Variants in NTRK1 observed in about 807,000 individuals in gnomAD.
NTRK1 encodes high affinity nerve growth factor receptor.
NTRK1 carries 62 observed loss-of-function variants against 86.8 expected under a neutral mutation model. That is an observed-to-expected ratio of 0.71 (90% confidence interval 0.58 to 0.88). The LOEUF (loss-of-function observed/expected upper bound fraction) is 0.88. Among genes scored for constraint, NTRK1 ranks in the 40% least tolerant of loss-of-function variants. NTRK1 has a pLI of 0.00. For missense variants in NTRK1, 967 were observed against 1,078.4 expected (o/e 0.90, Z 1.45); for synonymous variants, 469 against 456.6 (o/e 1.03, Z -0.35).
At chr1:156,827,950 A>G (rs1571643520) in intron 1 of NTRK1, among the ~76,000 whole-genome samples, 3 of 152,180 alleles carry the variant, frequency 2.0e-5, no homozygotes, top group Non-Finnish European at 4.4e-5. Flanking sequence ...AACTTATTTC[A>G]CAAAATGTTA....
At chr1:156,876,722 G>A (rs1571700238) in intron 14 of NTRK1, 150 bp downstream of exon 14, 1 of 940,936 alleles carries the variant, frequency 1.1e-6, no homozygotes, top group Non-Finnish European at 1.6e-6. Flanking sequence ...GGAGCTCTGA[G>A]ATGGTAGAGG....
rs73004745 is a variant in NTRK1 at position 156,863,889 on chromosome 1, A to G, written c.213-465A>G. ...CCAGGGATGCCTGATATAAAAGGAG[A>G]ACACCAATCTGAGAATGGACTTGTG... On this transcript the variant is annotated intron_variant, in intron 1 of 16. Transcript: ENST00000524377. Among the ~76,000 whole-genome samples, 1,013 of 152,162 alleles carry G rather than the reference A, an allele frequency of 6.7e-3. 14 individuals carry two copies. The highest frequency in any genetic ancestry group is 0.023 in the African/African-American group (961 of 41,494).
At chr1:156,852,322 C>T in intron 2 of NTRK1, 2 of 880,600 alleles carry the variant, frequency 2.3e-6, no homozygotes, top group Non-Finnish European at 3.4e-6. Context: ...ATTCAGATGA[C>T]ACTGGTTGCC....
At chr1:156,831,183 G>A (rs1329721736) in intron 1 of NTRK1, among the ~76,000 whole-genome samples, 5 of 152,174 alleles carry the variant, frequency 3.3e-5, no homozygotes, top group African/African-American at 7.2e-5. Flanking sequence ...GTAGAATCCC[G>A]TTAAGAAGTC....
chr1:156,859,929 G>T (rs1025798290), upstream of NTRK1, among the ~76,000 whole-genome samples: 8 of 152,228 alleles, frequency 5.3e-5, no homozygotes. This position sits in a 1 kb window ranked among gnomAD's most constrained non-coding sequence, Gnocchi z 6.2. Context: ...CCAGCCTTCT[G>T]CTGCCCTGGG....
intron 15 of NTRK1, 21 bp from the exon 16 acceptor site, chr1:156,879,978 T>G (rs1196637888): frequency 6.2e-7 from 1 of 1,611,910 alleles, no homozygotes. Flanking sequence ...CTGGAATTGA[T>G]GCAGTGTCCG....
intron 7 of NTRK1, 142 bp downstream of exon 7, chr1:156,871,897 T>G (rs1436388177): frequency 1.7e-6 from 2 of 1,188,008 alleles, no homozygotes; most frequent in African/African-American, 3.0e-5. Flanking sequence ...CAGATTCCCA[T>G]GAAAACCTGA....
intron 1 of NTRK1, among the ~76,000 whole-genome samples, chr1:156,820,246 A>G (rs1238094523): frequency 6.6e-6 from 1 of 151,858 alleles, no homozygotes; most frequent in Non-Finnish European, 1.5e-5. Flanking sequence ...TCCCCAATCT[A>G]TTTATTTGTT....
At chr1:156,821,269 T>C (rs1287075807) in intron 1 of NTRK1, among the ~76,000 whole-genome samples, 1 of 152,208 alleles carries the variant, frequency 6.6e-6, no homozygotes, top group Non-Finnish European at 1.5e-5. Context: ...TGTACCAGCA[T>C]ATTATTGGCA....
intron 2 of NTRK1, chr1:156,852,029 T>A: frequency 6.2e-7 from 1 of 1,613,474 alleles, no homozygotes. Flanking sequence ...CTCATACTGG[T>A]AGGTGCCTGG....
At chr1:156,849,503 C>CTGGGGGGGGGGGGGGGGG in intron 2 of NTRK1, 5 of 483,666 alleles carry the variant, frequency 1.0e-5, no homozygotes, top group Non-Finnish European at 1.3e-5. Flanking sequence ...GAGGTGGGGG[C>CTGGGGGGGGGGGGGGGGG]AGGGGGTGGG....
At chr1:156,827,441 T>G (rs936215388) in intron 1 of NTRK1, among the ~76,000 whole-genome samples, 1 of 152,124 alleles carries the variant, frequency 6.6e-6, no homozygotes, top group African/African-American at 2.4e-5. Flanking sequence ...TTTGTATTTT[T>G]AGTAGAGACG....
At chr1:156,864,126 C>T (rs752324246) in intron 1 of NTRK1, among the ~76,000 whole-genome samples, 10 of 152,000 alleles carry the variant, frequency 6.6e-5, no homozygotes, top group East Asian at 1.9e-4. Flanking sequence ...TATGTATGTG[C>T]GCTTGTGTGT....
intron 1 of NTRK1, chr1:156,841,425 G>A (rs1275710637): frequency 6.2e-7 from 1 of 1,613,792 alleles, no homozygotes; most frequent in Non-Finnish European, 8.5e-7. Context: ...AGCTCCTCCA[G>A]GACCCCGCCA....
intron 1 of NTRK1, chr1:156,841,165 C>T: frequency 7.6e-7 from 1 of 1,313,274 alleles, no homozygotes; most frequent in East Asian, 2.5e-5. Flanking sequence ...CTCTCAGCCT[C>T]CTGCACTGAG....
chr1:156,864,877 C>T (rs759895158), intron 3 of NTRK1, 78 bp downstream of exon 3: 51 of 1,424,776 alleles, frequency 3.6e-5, no homozygotes, highest in African/African-American at 1.1e-4. Flanking sequence ...TGGCTGTCCC[C>T]GGGGAATGAT....
At chr1:156,816,154 T>C (rs1246702751) in intron 1 of NTRK1, 4 of 1,537,628 alleles carry the variant, frequency 2.6e-6, no homozygotes, top group Non-Finnish European at 3.5e-6. Context: ...TGTCTCTGCC[T>C]CCCACCCCTC....
upstream of NTRK1, chr1:156,860,864 G>A: frequency 7.2e-7 from 1 of 1,384,564 alleles, no homozygotes; most frequent in Non-Finnish European, 9.3e-7. Flanking sequence ...CACATGTCGG[G>A]GGAGGCCTGG....
At chr1:156,824,676 G>A (rs543139623) in intron 1 of NTRK1, among the ~76,000 whole-genome samples, 1 of 152,326 alleles carries the variant, frequency 6.6e-6, no homozygotes, top group East Asian at 1.9e-4. Flanking sequence ...TTTTCAGAGT[G>A]TAATTCTTTG....
Sources: allele counts gnomAD v4.1 joint callset (sites outside exome capture counted in the v4.1 genomes callset), GRCh38; gene constraint gnomAD v4.1.1; non-coding constraint Gnocchi (gnomAD v3.1); transcripts MANE v1.5; gene names NCBI Gene and HGNC (gene_info 2026-07-23, HGNC 2026-07-21).